SGCZ: variants seen among roughly 807,000 people sequenced by gnomAD.
SGCZ encodes zeta-sarcoglycan.
Under a neutral mutation model 41.3 loss-of-function variants are expected in SGCZ, and 40 were observed. That is an observed-to-expected ratio of 0.97 (90% CI 0.75 to 1.26). The LOEUF (loss-of-function observed/expected upper bound fraction) is 1.26. Among genes scored for constraint, SGCZ ranks in the 50% most tolerant of loss-of-function variants. SGCZ has a pLI of 0.00. For missense variants in SGCZ, 552 were observed against 369.8 expected, an observed-to-expected ratio of 1.49 and a Z score of -4.04; for synonymous variants, 206 against 137.5, an observed-to-expected ratio of 1.50 and a Z score of -3.49.
chr8:15,056,808 G>A (rs1804723520), intron 1 of SGCZ, among the ~76,000 whole-genome samples: 1 of 152,056 alleles, frequency 6.6e-6, no homozygotes, highest in Non-Finnish European at 1.5e-5. Flanking sequence ...TGTATTTTTT[G>A]AGGGTCTCCA....
chr8:15,225,979 G>A (rs1218116370), intron 1 of SGCZ, among the ~76,000 whole-genome samples: 1 of 152,074 alleles, frequency 6.6e-6, no homozygotes, highest in Non-Finnish European at 1.5e-5. Context: ...AGTCCACATT[G>A]TAACCCCCAT....
chr8:14,399,080 G>A (rs950094921), intron 2 of SGCZ, among the ~76,000 whole-genome samples: 86 of 152,142 alleles, frequency 5.7e-4, no homozygotes, highest in African/African-American at 1.7e-3. Flanking sequence ...GAAACCAAAC[G>A]TGATCATTAT....
intron 1 of SGCZ, among the ~76,000 whole-genome samples, chr8:14,770,994 G>C (rs188916286): frequency 7.2e-5 from 11 of 152,174 alleles, no homozygotes; most frequent in African/African-American, 2.4e-4. Context: ...ATAAACACAA[G>C]TACACTTCAA....
At chr8:14,704,308 C>T (rs553333049) in intron 1 of SGCZ, among the ~76,000 whole-genome samples, 1 of 151,876 alleles carries the variant, frequency 6.6e-6, no homozygotes, top group Non-Finnish European at 1.5e-5. Flanking sequence ...TATTTTTTAT[C>T]CCCATCTGGA....
At chr8:15,056,823 G>A (rs1315284949) in intron 1 of SGCZ, among the ~76,000 whole-genome samples, 2 of 152,116 alleles carry the variant, frequency 1.3e-5, no homozygotes, top group African/African-American at 4.8e-5. Context: ...TCTCCAAATT[G>A]TGCCAGTGTC....
At chr8:14,648,950 A>G (rs1308560967) in intron 1 of SGCZ, among the ~76,000 whole-genome samples, 1 of 152,084 alleles carries the variant, frequency 6.6e-6, no homozygotes, top group Non-Finnish European at 1.5e-5. Flanking sequence ...GTTTGTAGAA[A>G]TATCTTCTAT....
At chr8:15,227,229 T>C (rs564027132) in intron 1 of SGCZ, among the ~76,000 whole-genome samples, 28 of 152,280 alleles carry the variant, frequency 1.8e-4, no homozygotes, top group African/African-American at 5.3e-4. Flanking sequence ...AAAAATACCA[T>C]AGACAAAATC....
chr8:14,527,952 G>A (rs372130699), intron 2 of SGCZ, among the ~76,000 whole-genome samples: 21 of 152,080 alleles, frequency 1.4e-4, no homozygotes, highest in African/African-American at 5.1e-4. Context: ...CTGTGAGCAG[G>A]AACACTTGTG....
intron 1 of SGCZ, among the ~76,000 whole-genome samples, chr8:15,042,140 G>C: frequency 6.6e-6 from 1 of 152,052 alleles, no homozygotes; most frequent in East Asian, 1.9e-4. Flanking sequence ...GCACATTCTG[G>C]CTCTGAGTTA....
At chr8:14,309,410 C>T in intron 3 of SGCZ, 1 of 1,606,674 alleles carries the variant, frequency 6.2e-7, no homozygotes, top group Non-Finnish European at 8.5e-7. Context: ...TCGCTTTTGG[C>T]TAGAGACACT....
chr8:14,276,356 T>G (rs947467561), intron 3 of SGCZ, among the ~76,000 whole-genome samples: 1 of 152,174 alleles, frequency 6.6e-6, no homozygotes, highest in Admixed American at 6.5e-5. Flanking sequence ...TTCTCATTGC[T>G]TAGCATGGTG....
intron 2 of SGCZ, among the ~76,000 whole-genome samples, chr8:14,477,752 A>C (rs1434624087): frequency 2.0e-5 from 3 of 152,324 alleles, no homozygotes; most frequent in Non-Finnish European, 4.4e-5. Context: ...CACATGTAAA[A>C]GAGAAGGAAA....
chr8:14,282,825 T>C (rs1027000804), intron 3 of SGCZ, among the ~76,000 whole-genome samples: 1 of 150,606 alleles, frequency 6.6e-6, no homozygotes, highest in Admixed American at 6.7e-5. Context: ...AGTTAATCAT[T>C]ATAATCATTC....
intron 2 of SGCZ, among the ~76,000 whole-genome samples, chr8:14,503,777 A>G (rs986461482): frequency 1.3e-5 from 2 of 152,154 alleles, no homozygotes; most frequent in African/African-American, 2.4e-5. Context: ...AAAAACAATA[A>G]TAAAATAAAA....
At chr8:14,998,926 A>T (rs980844865) in intron 1 of SGCZ, among the ~76,000 whole-genome samples, 6 of 152,224 alleles carry the variant, frequency 3.9e-5, no homozygotes, top group Non-Finnish European at 8.8e-5. Flanking sequence ...TTATTGATTG[A>T]ATTTAATGCT....
At chr8:14,683,469 A>C (rs2117547911) in intron 1 of SGCZ, among the ~76,000 whole-genome samples, 1 of 152,302 alleles carries the variant, frequency 6.6e-6, no homozygotes, top group Non-Finnish European at 1.5e-5. Flanking sequence ...CCTAAGAAAT[A>C]GAAAAAATAC....
intron 2 of SGCZ, among the ~76,000 whole-genome samples, chr8:14,477,082 T>A: frequency 6.6e-6 from 1 of 152,232 alleles, no homozygotes; most frequent in East Asian, 1.9e-4. Context: ...CTACTTATTC[T>A]ACTTTCCTTA....
At chr8:15,118,868 T>C (rs1484420086) in intron 1 of SGCZ, among the ~76,000 whole-genome samples, 1 of 152,166 alleles carries the variant, frequency 6.6e-6, no homozygotes, top group African/African-American at 2.4e-5. Context: ...CCTGCTGCTA[T>C]GGTATTGGCT....
intron 1 of SGCZ, among the ~76,000 whole-genome samples, chr8:15,139,931 T>C (rs182931807): frequency 5.3e-5 from 8 of 152,326 alleles, no homozygotes; most frequent in Admixed American, 4.6e-4. Context: ...CCTGATTCTA[T>C]ACTAGAGTAC....
Sources: allele counts gnomAD v4.1 joint callset (sites outside exome capture counted in the v4.1 genomes callset), GRCh38; gene constraint gnomAD v4.1.1; transcripts MANE v1.5; gene names NCBI Gene and HGNC (gene_info 2026-07-23, HGNC 2026-07-21).